Variants in TEK observed in about 807,000 individuals in gnomAD.
TEK encodes TEK receptor tyrosine kinase.
TEK carries 43 observed loss-of-function variants against 131.8 expected under a neutral mutation model. The observed-to-expected ratio is 0.33, with a 90% CI of 0.26 to 0.42. TEK has a LOEUF of 0.42. TEK is among the 10% of genes least tolerant of loss of function. TEK has a pLI of 1.00. For synonymous variants in TEK, 580 were observed against 491.6 expected (o/e 1.18, Z -2.38); for missense variants, 1,162 against 1,384.4 (o/e 0.84, Z 2.55).
rs760075260 is a variant in TEK, at chr9:27,197,414, A to G, written c.1724A>G (p.Tyr575Cys). 6.2e-7 allele frequency: 1 copy of G among 1,614,144 alleles called. No individual in the cohort carries two copies. The highest frequency in any genetic ancestry group is 8.5e-7 in the Non-Finnish European group (1 of 1,180,000). Residue 575 changes from tyrosine (Y) to cysteine (C), a missense_variant, in exon 12 of 23, where the codon TAT (tyrosine) becomes TGT (cysteine). Tyr to Cys is a radical substitution (Grantham distance 194). Transcript: ENST00000380036. ...TTTCCAAGCTCGGAAGATGACTTTT[A>G]TGTTGAAGTGGAGAGAAGGTCTGTG... Reference protein sequence around the residue: ...PIFPSSEDDFYVEVERRSVQK... With the variant: ...PIFPSSEDDFCVEVERRSVQK...
intron 16 of TEK, among the ~76,000 whole-genome samples, chr9:27,210,991 G>T (rs1203657119): frequency 6.6e-6 from 1 of 151,864 alleles, no homozygotes; most frequent in Admixed American, 6.6e-5. Flanking sequence ...GCCTAGTGGC[G>T]CATGCCTGTA....
intron 12 of TEK, among the ~76,000 whole-genome samples, chr9:27,199,976 C>T (rs897718699): frequency 1.3e-5 from 2 of 152,034 alleles, no homozygotes; most frequent in Non-Finnish European, 2.9e-5. Context: ...CCTAGTAGTT[C>T]TAGTGTTGTT....
chr9:27,168,918 T>G (rs1271912469), intron 3 of TEK, among the ~76,000 whole-genome samples: 1 of 152,248 alleles, frequency 6.6e-6, no homozygotes, highest in Non-Finnish European at 1.5e-5. Flanking sequence ...CATTGTTGAT[T>G]GCAAGGTTTA....
chr9:27,142,435 G>A (rs1365849110), intron 1 of TEK, among the ~76,000 whole-genome samples: 6 of 152,242 alleles, frequency 3.9e-5, no homozygotes, highest in African/African-American at 1.2e-4. Context: ...CAGGTGCTAA[G>A]CAAAGTCCTG....
At chr9:27,178,472 T>A (rs10124730) in intron 6 of TEK, among the ~76,000 whole-genome samples, 50,618 of 151,822 alleles carry the variant, frequency 0.33, 8,496 homozygotes, top group African/African-American at 0.38. Context: ...TAAATTTTAG[T>A]ATCGTTTTTT....
intron 4 of TEK, 78 bp from the exon 5 acceptor site, chr9:27,172,538 A>G (rs1823995926): frequency 6.3e-7 from 1 of 1,584,890 alleles, no homozygotes; most frequent in African/African-American, 1.3e-5. Flanking sequence ...TGAATGACTG[A>G]CACACAGTAG....
At chr9:27,217,791 T>TG (rs757581962) in intron 19 of TEK, 33 bp downstream of exon 19, 3 of 1,556,080 alleles carry the variant, frequency 1.9e-6, no homozygotes, top group Non-Finnish European at 2.6e-6. Context: ...AGGGATTTTT[T>TG]TTCCCTCCCA....
chr9:27,224,776 G>A (rs1648119185), intron 21 of TEK, among the ~76,000 whole-genome samples: 1 of 152,190 alleles, frequency 6.6e-6, no homozygotes, highest in Non-Finnish European at 1.5e-5. Flanking sequence ...GCAAGAGAAA[G>A]AAAGAAAGGG....
intron 21 of TEK, among the ~76,000 whole-genome samples, chr9:27,223,794 AT>A (rs1826188332): frequency 6.6e-6 from 1 of 152,204 alleles, no homozygotes; most frequent in Non-Finnish European, 1.5e-5. Context: ...AGACAGGGAC[AT>A]GAAAAACCCT....
intron 1 of TEK, among the ~76,000 whole-genome samples, chr9:27,141,805 A>G (rs1822735087): frequency 6.6e-6 from 1 of 152,222 alleles, no homozygotes; most frequent in Admixed American, 6.5e-5. Context: ...ATTAAATGTG[A>G]CCTAACATTG....
chr9:27,194,662 G>C (rs1288790376), intron 11 of TEK, among the ~76,000 whole-genome samples: 5 of 152,172 alleles, frequency 3.3e-5, no homozygotes, highest in Non-Finnish European at 7.3e-5. Context: ...ACACTTCACA[G>C]CCCCACACTG....
intron 16 of TEK, among the ~76,000 whole-genome samples, chr9:27,210,126 A>G (rs1825548896): frequency 6.6e-6 from 1 of 152,230 alleles, no homozygotes; most frequent in Non-Finnish European, 1.5e-5. Context: ...TTATCATTCT[A>G]TGATCCAATA....
chr9:27,210,485 G>C, intron 16 of TEK: 1 of 187,376 alleles, frequency 5.3e-6, no homozygotes, highest in East Asian at 1.3e-4. Context: ...TCTGGAAAAA[G>C]GCTAAAACTA....
At chr9:27,160,624 A>G (rs1355774410) in intron 2 of TEK, among the ~76,000 whole-genome samples, 3 of 152,182 alleles carry the variant, frequency 2.0e-5, no homozygotes, top group Non-Finnish European at 4.4e-5. Flanking sequence ...TCCAGCTGAA[A>G]ATATTTCTTT....
chr9:27,213,461 C>T (rs190500397), intron 17 of TEK, 23 bp from the exon 18 acceptor site: 3 of 1,575,712 alleles, frequency 1.9e-6, no homozygotes, highest in African/African-American at 2.7e-5. Context: ...GCTGAAAATA[C>T]ATAATGTTTT....
intron 21 of TEK, among the ~76,000 whole-genome samples, chr9:27,223,210 G>A (rs762388978): frequency 2.6e-4 from 39 of 151,976 alleles, no homozygotes; most frequent in African/African-American, 7.5e-4. Context: ...AATATTAGAC[G>A]GATCAACGAG....
intron 6 of TEK, among the ~76,000 whole-genome samples, chr9:27,178,178 G>A (rs997427357): frequency 4.0e-5 from 6 of 151,862 alleles, no homozygotes; most frequent in African/African-American, 1.5e-4. Context: ...TCTTCTGCTT[G>A]TGGTTATCCA....
At position 27,169,593 on chromosome 9, in the gene TEK, C is replaced by A. The variant is rs1564073304; in HGVS notation, c.592C>A (p.Leu198Ile). 1.2e-6 allele frequency: 2 copies of A among 1,614,126 alleles called. No homozygotes were observed. Among genetic ancestry groups the A allele is most frequent in the Non-Finnish European group, 8.5e-7 (1 of 1,179,994 alleles). Residue 198 changes from leucine (L) to isoleucine (I), a missense_variant, in exon 4 of 23, where the codon CTC (leucine) becomes ATC (isoleucine). Around this residue, in one of 6 missense-constraint regions of TEK, gnomAD observed 436 missense variants for 539.1 expected, o/e 0.81. Coordinates refer to ENST00000380036, the MANE Select transcript of TEK (RefSeq NM_000459.5). ...CTCGGCCAGGTATATAGGAGGAAAC[C>A]TCTTCACCTCGGCCTTCACCAGGCT... ...VYSARYIGGN[L>I]FTSAFTRLIV...
Position 27,190,555 on chromosome 9 carries a change from A to C in TEK, c.1354A>C (p.Asn452His). 1 of 1,614,050 alleles carries C rather than the reference A, an allele frequency of 6.2e-7. No individual in the cohort carries two copies. The highest frequency in any genetic ancestry group is 8.5e-7 in the Non-Finnish European group (1 of 1,179,916). The change falls in exon 10 of 23, where the codon AAC (asparagine) becomes CAC (histidine). Residue 452 changes from asparagine to histidine, a missense_variant. By Grantham distance (68) the Asn-to-His change is moderately conservative. Transcript: ENST00000380036. ...KVLPKPLNAP[N>H]VIDTGHNFAV... ...TCTTCCAAAGCCCCTGAATGCCCCA[A>C]ACGTGATTGACACTGGACATAACTT...
Sources: allele counts gnomAD v4.1 joint callset (sites outside exome capture counted in the v4.1 genomes callset), GRCh38; gene constraint gnomAD v4.1.1; regional missense constraint gnomAD v4.1.1; transcripts MANE v1.5; gene names NCBI Gene and HGNC (gene_info 2026-07-23, HGNC 2026-07-21).